Variants in ADGRB3 observed in about 807,000 individuals in gnomAD.
ADGRB3 encodes the protein adhesion G protein-coupled receptor B3.
A neutral mutation model predicts 193.4 loss-of-function variants in ADGRB3; 37 were observed. That is an observed-to-expected ratio of 0.19 (90% CI 0.15 to 0.25). The LOEUF is 0.25. Among genes scored for constraint, ADGRB3 ranks in the 10% least tolerant of loss-of-function variants. The pLI is 1.00. For missense variants in ADGRB3, 1,637 were observed against 1,852.9 expected (o/e 0.88, Z 2.14); for synonymous variants, 690 against 644.2 (o/e 1.07, Z -1.08).
chr6:68,993,844 A>G lies in ADGRB3; in HGVS notation c.1811A>G (p.Asp604Gly), dbSNP rs1379412464. Residue 604 changes from aspartate (D) to glycine (G), a missense_variant, in exon 11 of 32, where the codon GAT (aspartate) becomes GGT (glycine). Transcript: ENST00000370598. ...GMSQVTKTLL[D>G]LTQRKNFYAG... ...TCCCAGGTGACCAAGACACTGTTGG[A>G]TTTAACTCAGAGAAAAAATTTCTAT... 1 of 1,614,018 alleles carries G rather than the reference A, an allele frequency of 6.2e-7. No homozygotes were observed. Among genetic ancestry groups the G allele is most frequent in the South Asian group, 1.1e-5 (1 of 91,082 alleles).
At chr6:68,742,490 A>G (rs1238583178) in intron 3 of ADGRB3, among the ~76,000 whole-genome samples, 1 of 152,100 alleles carries the variant, frequency 6.6e-6, no homozygotes, top group Non-Finnish European at 1.5e-5. Flanking sequence ...GTGAGTTGTT[A>G]TAGTTGAAAG....
chr6:69,320,243 T>C (rs1279083272), intron 20 of ADGRB3, among the ~76,000 whole-genome samples: 1 of 151,548 alleles, frequency 6.6e-6, no homozygotes, highest in Non-Finnish European at 1.5e-5. Context: ...CTTCCTGATA[T>C]TATTTTCAAT....
chr6:69,389,044 C>T lies in ADGRB3; in HGVS notation c.*153C>T, dbSNP rs1488976041. 2 of 723,674 alleles carry T rather than the reference C, an allele frequency of 2.8e-6. No individual in the cohort carries two copies. The highest frequency in any genetic ancestry group is 1.9e-5 in the South Asian group (1 of 51,602). 44.8% of individuals were successfully genotyped at this position (723,674 alleles called of 1,614,324 possible). ...GTGGTGTTTTCATATGGTAACTTCTCACTAGTCAGGCTAGTGGAGAGATGA... is the reference window on the plus strand; with the variant it reads ...GTGGTGTTTTCATATGGTAACTTCTTACTAGTCAGGCTAGTGGAGAGATGA... On this transcript the variant is annotated 3_prime_UTR_variant, in exon 32 of 32. Transcript: ENST00000370598.
intron 11 of ADGRB3, among the ~76,000 whole-genome samples, chr6:69,002,624 A>C (rs1275139766): frequency 6.6e-6 from 1 of 152,184 alleles, no homozygotes; most frequent in African/African-American, 2.4e-5. Flanking sequence ...ACCTTGGAGT[A>C]TGGTTTCTCC....
At chr6:68,702,204 G>A (rs916227343) in intron 3 of ADGRB3, among the ~76,000 whole-genome samples, 12 of 125,614 alleles carry the variant, frequency 9.6e-5, no homozygotes, top group Admixed American at 7.2e-4. Flanking sequence ...GAACAGGAGC[G>A]AGAAAGAGAG....
intron 11 of ADGRB3, among the ~76,000 whole-genome samples, chr6:68,994,630 T>G (rs926854608): frequency 2.2e-4 from 33 of 152,222 alleles, no homozygotes; most frequent in Non-Finnish European, 4.0e-4. Flanking sequence ...AAAGCATATT[T>G]AATGCAACTA....
At chr6:68,945,462 ATGCCT>A (rs1767752075) in intron 6 of ADGRB3, among the ~76,000 whole-genome samples, 1 of 152,090 alleles carries the variant, frequency 6.6e-6, no homozygotes. Flanking sequence ...ATATGTAGTG[ATGCCT>A]TGTGCTTTCA....
chr6:68,685,197 G>T (rs1213774254), intron 3 of ADGRB3, among the ~76,000 whole-genome samples: 1 of 151,850 alleles, frequency 6.6e-6, no homozygotes, highest in Non-Finnish European at 1.5e-5. Context: ...ATAAAATTAA[G>T]AATTTAAATA....
At chr6:68,956,987 T>C (rs1244629330) in intron 8 of ADGRB3, among the ~76,000 whole-genome samples, 178 bp downstream of exon 8, 1 of 152,216 alleles carries the variant, frequency 6.6e-6, no homozygotes. Flanking sequence ...TGTCATAGAA[T>C]CGTTCCATGT....
intron 8 of ADGRB3, among the ~76,000 whole-genome samples, chr6:68,973,966 A>G (rs1768662294): frequency 6.6e-6 from 1 of 152,238 alleles, no homozygotes; most frequent in Admixed American, 6.5e-5. Flanking sequence ...CTCAATAATT[A>G]AATTGAAATT....
chr6:69,360,588 G>C (rs1230717869), intron 28 of ADGRB3, among the ~76,000 whole-genome samples: 1 of 151,908 alleles, frequency 6.6e-6, no homozygotes, highest in Non-Finnish European at 1.5e-5. Context: ...AGTTGTTTAA[G>C]GACAGGGTAC....
intron 17 of ADGRB3, among the ~76,000 whole-genome samples, chr6:69,117,683 C>A (rs1269891885): frequency 6.6e-6 from 1 of 152,168 alleles, no homozygotes; most frequent in Admixed American, 6.5e-5. Context: ...AGCTTTAAGG[C>A]ACCAGGCTCT....
intron 3 of ADGRB3, among the ~76,000 whole-genome samples, chr6:68,738,365 A>G (rs927014712): frequency 2.8e-5 from 4 of 144,314 alleles, no homozygotes; most frequent in Admixed American, 2.7e-4. Flanking sequence ...ATTTTCTGTC[A>G]AAGAGTGACA....
rs187580393 is a variant in ADGRB3, at chr6:69,270,163, G to A, written c.2814+30937G>A. Among the ~76,000 whole-genome samples the A allele has an allele frequency of 6.2e-4, 94 of 152,194 alleles. 2 individuals carry two copies. The South Asian group carries it at 0.016, about 26-fold the overall frequency. On this transcript the variant is annotated intron_variant, in intron 20 of 31. Coordinates refer to ENST00000370598, the MANE Select transcript of ADGRB3 (RefSeq NM_001704.3). ...ATTAGACTTCCAGCAGTGAATTCTC[G>A]TCAAAAATGGTTTTTAGATCACCAG...
intron 23 of ADGRB3, chr6:69,331,621 T>C: frequency 2.0e-6 from 2 of 985,358 alleles, no homozygotes; most frequent in Non-Finnish European, 2.4e-6. Flanking sequence ...AGAATCTTAG[T>C]GCAAAGGGAA....
chr6:69,327,826 C>A lies in ADGRB3; in HGVS notation c.2972C>A (p.Pro991Gln). Residue 991 changes from proline (P) to glutamine (Q), a missense_variant, in exon 22 of 32, where the codon CCA becomes CAA. Physicochemically the swap from Pro to Gln is moderately conservative, Grantham distance 76. This residue lies in a region of ADGRB3 where 87 missense variants were observed against 161.0 expected (regional missense o/e 0.54). Transcript: ENST00000370598. The stretch of plus-strand genomic sequence containing the variant: ...GACATTGCTTTTCTTGCAGGTTTAC[C>A]AGCATTAGTAGTGGCCACATCAGTA... ...KRFLCLGWGL[P>Q]ALVVATSVGF... 6.2e-7 allele frequency: 1 copy of A among 1,604,292 alleles called. No homozygotes were observed. Among genetic ancestry groups the A allele is most frequent in the Non-Finnish European group, 8.5e-7 (1 of 1,173,086 alleles).
chr6:68,897,538 G>GGGAA (rs1172203409), intron 3 of ADGRB3, among the ~76,000 whole-genome samples: 1 of 15,160 alleles, frequency 6.6e-5, no homozygotes, highest in African/African-American at 3.3e-4. Flanking sequence ...AGAGGAAAGA[G>GGGAA]GGAAGGAAGG....
At chr6:69,245,396 ATTTTTT>A (rs1437319107) in intron 20 of ADGRB3, among the ~76,000 whole-genome samples, 1 of 152,046 alleles carries the variant, frequency 6.6e-6, no homozygotes, top group Non-Finnish European at 1.5e-5. Flanking sequence ...ATCTGTGAAG[ATTTTTT>A]TATTCACTGC....
At position 68,758,109 on chromosome 6, in the gene ADGRB3, A is replaced by T. The variant is rs151260869; in HGVS notation, c.757+118677A>T. Reference sequence around the variant, plus strand: ...GGATATAACCTTAGGGGAGCTGTTTAATTCTTTTAAGCCTCATTTATTCAT... The same window carrying T: ...GGATATAACCTTAGGGGAGCTGTTTTATTCTTTTAAGCCTCATTTATTCAT... On this transcript the variant is annotated intron_variant, in intron 3 of 31. Coordinates refer to ENST00000370598, the MANE Select transcript of ADGRB3 (RefSeq NM_001704.3). Among the ~76,000 whole-genome samples, 26 of 152,140 alleles carry T rather than the reference A, an allele frequency of 1.7e-4. No individual in the cohort carries two copies. In the East Asian group the frequency reaches 5.0e-3, roughly 29 times the overall value.
Sources: gnomAD v4.1 joint callset for allele counts (sites outside exome capture counted in the v4.1 genomes callset) on GRCh38, gnomAD v4.1.1 for gene constraint, gnomAD v4.1.1 regional missense constraint, MANE v1.5 for transcripts, NCBI Gene and HGNC (gene_info 2026-07-23, HGNC 2026-07-21) for gene names.